Variants in KLHL32 observed in about 807,000 individuals in gnomAD.
KLHL32 encodes kelch like family member 32.
A neutral mutation model predicts 64.8 loss-of-function variants in KLHL32; 35 were observed. The ratio of observed to expected loss-of-function variants is 0.54; its 90% CI spans 0.41 to 0.72. The LOEUF (loss-of-function observed/expected upper bound fraction) is 0.72, where lower values mean the gene tolerates loss of function less well. KLHL32 is among the 30% of genes least tolerant of loss of function. The pLI is 0.00. For missense variants in KLHL32, 589 were observed against 768.5 expected, an observed-to-expected ratio of 0.77 and a Z score of 2.76; for synonymous variants, 259 against 281.0, an observed-to-expected ratio of 0.92 and a Z score of 0.78.
intron 4 of KLHL32, among the ~76,000 whole-genome samples, chr6:97,063,793 G>A (rs964273250): frequency 6.6e-6 from 1 of 152,204 alleles, no homozygotes; most frequent in African/African-American, 2.4e-5. Context: ...GATTCAGGAA[G>A]CACTGGGCTG....
intron 3 of KLHL32, among the ~76,000 whole-genome samples, chr6:96,997,956 C>G (rs924182812): frequency 1.3e-5 from 2 of 152,152 alleles, no homozygotes; most frequent in African/African-American, 4.8e-5. Context: ...GTAGACTCTT[C>G]ATTACCATTT....
intron 2 of KLHL32, among the ~76,000 whole-genome samples, chr6:96,972,475 T>C (rs752204566): frequency 2.0e-5 from 3 of 152,168 alleles, no homozygotes; most frequent in Non-Finnish European, 4.4e-5. Flanking sequence ...CTCTTTTGTA[T>C]TGATGCAGTT....
At chr6:97,059,929 A>G (rs572330511) in intron 4 of KLHL32, among the ~76,000 whole-genome samples, 1 of 152,328 alleles carries the variant, frequency 6.6e-6, no homozygotes, top group African/African-American at 2.4e-5. Context: ...GAAACAAACT[A>G]TAAAGAAGGG....
rs114629206 is a variant in KLHL32 at position 96,934,172 on chromosome 6, A to G, written c.-66+9146A>G. Among the ~76,000 whole-genome samples, 631 of 152,340 alleles carry G rather than the reference A, an allele frequency of 4.1e-3. 11 individuals are homozygous for G. Among genetic ancestry groups the G allele is most frequent in the African/African-American group, 0.015 (610 of 41,576 alleles). On this transcript the variant is annotated intron_variant, in intron 1 of 10. Coordinates refer to ENST00000369261, the MANE Select transcript of KLHL32 (RefSeq NM_052904.4). ...ACTGTCCTGCAAATACGTGCACTCT[A>G]GAGGTTTGCAACAAGGCTGGTCCTC...
Position 97,130,883 on chromosome 6 carries a change from C to T in KLHL32, c.1540C>T (p.Arg514Cys), listed in dbSNP as rs372656806. 78 of 1,613,890 alleles carry T rather than the reference C, an allele frequency of 4.8e-5. No individual in the cohort carries two copies. The highest frequency in any genetic ancestry group is 1.3e-4 in the African/African-American group (10 of 74,892). Residue 514 changes from arginine (R) to cysteine (C), a missense_variant, in exon 9 of 11, where the codon CGC becomes TGC. Arg to Cys is a radical substitution (Grantham distance 180). Coordinates refer to ENST00000369261, the MANE Select transcript of KLHL32 (RefSeq NM_052904.4). ...LDYNNDRILV[R>C]HIDSYNIDTD... ...CTACAATAATGACCGGATCCTTGTGCGCCATATAGATTCTTACAACATAGA... is the reference window on the plus strand; with the variant it reads ...CTACAATAATGACCGGATCCTTGTGTGCCATATAGATTCTTACAACATAGA...
intron 7 of KLHL32, among the ~76,000 whole-genome samples, chr6:97,114,753 C>T (rs572188937): frequency 6.6e-6 from 1 of 152,228 alleles, no homozygotes; most frequent in Non-Finnish European, 1.5e-5. Flanking sequence ...ATTGTTGGTC[C>T]ATCACAACTG....
At position 97,027,457 on chromosome 6, in the gene KLHL32, A is replaced by G. The variant is rs1233576426; in HGVS notation, c.205-14035A>G. Among the ~76,000 whole-genome samples, 6 of 152,346 alleles carry G rather than the reference A, an allele frequency of 3.9e-5. No individual in the cohort carries two copies. The East Asian group carries it at 7.7e-4, about 20-fold the overall frequency. ...AAAACTTCTACTTTTTGAATTCCATAGGAATATTCTGAATGATTTGTGTCA... is the reference window on the plus strand; with the variant it reads ...AAAACTTCTACTTTTTGAATTCCATGGGAATATTCTGAATGATTTGTGTCA... On this transcript the variant is annotated intron_variant, in intron 3 of 10. Transcript: ENST00000369261.
At chr6:96,901,004 C>A in the KLHL32 span, among the ~76,000 whole-genome samples, 1 of 152,074 alleles carries the variant, frequency 6.6e-6, no homozygotes, top group African/African-American at 2.4e-5. Flanking sequence ...ATACTGGGAG[C>A]GGGGGGTAGT....
intron 3 of KLHL32, among the ~76,000 whole-genome samples, chr6:97,016,576 G>T (rs558118353): frequency 5.0e-4 from 76 of 152,326 alleles, no homozygotes; most frequent in Admixed American, 1.4e-3. Flanking sequence ...CTTATAGGTG[G>T]AAGGGACTTT....
chr6:97,039,048 C>A (rs1271854382), intron 3 of KLHL32, among the ~76,000 whole-genome samples: 1 of 149,256 alleles, frequency 6.7e-6, no homozygotes, highest in Admixed American at 6.7e-5. Context: ...TGAGATCATG[C>A]CACTGCACTC....
the KLHL32 span, among the ~76,000 whole-genome samples, chr6:96,912,869 C>T: frequency 6.6e-6 from 1 of 152,142 alleles, no homozygotes; most frequent in Non-Finnish European, 1.5e-5. Flanking sequence ...TGCTCCTCTC[C>T]CTACCACCTG....
intron 3 of KLHL32, among the ~76,000 whole-genome samples, chr6:96,989,104 T>TA (rs1025803756): frequency 1.3e-5 from 2 of 152,090 alleles, no homozygotes; most frequent in African/African-American, 2.4e-5. Context: ...TAAAGTATAA[T>TA]AAAAAAAATA....
chr6:97,033,118 A>G (rs946162834), intron 3 of KLHL32, among the ~76,000 whole-genome samples: 5 of 152,200 alleles, frequency 3.3e-5, no homozygotes, highest in African/African-American at 7.2e-5. Flanking sequence ...TTCACTTTGT[A>G]TGTATACTTA....
intron 7 of KLHL32, among the ~76,000 whole-genome samples, chr6:97,126,630 C>G (rs1798903468): frequency 1.3e-5 from 2 of 152,092 alleles, no homozygotes; most frequent in South Asian, 4.1e-4. Flanking sequence ...TAGCCATTAG[C>G]CCCATGTGAC....
intron 5 of KLHL32, among the ~76,000 whole-genome samples, chr6:97,071,592 C>T (rs1025330083): frequency 2.6e-5 from 4 of 152,102 alleles, no homozygotes; most frequent in African/African-American, 7.2e-5. Context: ...ACATGCTGCC[C>T]AAATTCGCCT....
At chr6:97,079,594 A>G (rs1792164575) in intron 5 of KLHL32, among the ~76,000 whole-genome samples, 1 of 152,236 alleles carries the variant, frequency 6.6e-6, no homozygotes, top group South Asian at 2.1e-4. Context: ...TATAAAGTTT[A>G]AAAATTATTG....
intron 10 of KLHL32, among the ~76,000 whole-genome samples, chr6:97,133,916 G>T (rs1027024910): frequency 7.9e-5 from 12 of 152,142 alleles, no homozygotes; most frequent in South Asian, 2.1e-4. Context: ...ATGTACTAGG[G>T]TTAGGGTTAA....
At chr6:97,047,402 G>A (rs1390964326) in intron 4 of KLHL32, among the ~76,000 whole-genome samples, 1 of 152,182 alleles carries the variant, frequency 6.6e-6, no homozygotes, top group Non-Finnish European at 1.5e-5. Context: ...ACCAATGGTG[G>A]AGGGCATAGA....
chr6:96,929,201 G>A (rs1201283410), intron 1 of KLHL32, among the ~76,000 whole-genome samples: 13 of 152,290 alleles, frequency 8.5e-5, no homozygotes. Context: ...TAGCACTGGG[G>A]ATATTTGTCA....
Sources: allele counts gnomAD v4.1 joint callset (sites outside exome capture counted in the v4.1 genomes callset), GRCh38; gene constraint gnomAD v4.1.1; transcripts MANE v1.5; gene names NCBI Gene and HGNC (gene_info 2026-07-23, HGNC 2026-07-21).